The following XPNPEP2 variants were observed in gnomAD, a reference collection of about 807,000 sequenced individuals.
XPNPEP2 encodes the protein xaa-Pro aminopeptidase 2.
A neutral mutation model predicts 59.8 loss-of-function variants in XPNPEP2; 64 were observed. The observed-to-expected ratio is 1.07, with a 90% confidence interval of 0.87 to 1.32. The LOEUF is 1.32. Among genes scored for constraint, XPNPEP2 ranks in the 40% most tolerant of loss-of-function variants. The pLI is 0.00. For missense variants in XPNPEP2, 575 were observed against 546.8 expected (o/e 1.05, Z -0.51); for synonymous variants, 235 against 210.0 (o/e 1.12, Z -1.03).
intron 2 of XPNPEP2, among the ~76,000 whole-genome samples, chrX:129,742,434 T>TATC (rs1286978785): frequency 3.8e-5 from 4 of 106,064 alleles, no homozygotes; most frequent in African/African-American, 1.0e-4. Flanking sequence ...CCCAGCAGGT[T>TATC]ATCTGCTTCC....
intron 1 of XPNPEP2, among the ~76,000 whole-genome samples, chrX:129,741,531 G>A (rs1481026494): frequency 8.9e-6 from 1 of 111,930 alleles, no homozygotes; most frequent in Non-Finnish European, 1.9e-5. Context: ...CACATAATAG[G>A]GTGTCTTTAA....
In XPNPEP2 at chrX:129,751,726, T is replaced by C; in HGVS notation, c.740-19T>C. 8.4e-7 allele frequency: 1 copy of C among 1,196,674 alleles called. No homozygotes were observed. The highest frequency in any genetic ancestry group is 1.1e-6 in the Non-Finnish European group (1 of 882,352). On this transcript the variant is annotated intron_variant, in intron 8 of 20. Coordinates refer to ENST00000371106, the MANE Select transcript of XPNPEP2 (RefSeq NM_003399.6). ...CAGGCAGATCAGCATTAAATATTCC[T>C]TGTCAATTCTCTTCCCAGGGCTCTT...
Position 129,760,510 on chromosome X carries a change from A to G in XPNPEP2, c.1429-2A>G. ...CATATCACCTCTTCCTCTCCCCATC[A>G]GGAGGCATACACCCGTGTGCTGATA... On this transcript the variant is annotated splice_acceptor_variant, in intron 15 of 20. Coordinates refer to ENST00000371106, the MANE Select transcript of XPNPEP2 (RefSeq NM_003399.6). LOFTEE classifies it high-confidence loss of function. 1.7e-6 allele frequency: 2 copies of G among 1,210,594 alleles called. No homozygotes were observed. The highest frequency in any genetic ancestry group is 2.2e-6 in the Non-Finnish European group (2 of 894,661).
Position 129,747,711 on chromosome X carries a change from G to C in XPNPEP2, c.595G>C (p.Val199Leu). Reference protein sequence around the residue: ...DLVWGSERPPVPNQPIYALQE... With the variant: ...DLVWGSERPPLPNQPIYALQE... ...GGTATGGGGATCAGAGAGGCCACCG[G>C]TTCCAAATCAACCCATTTATGCCCT... Residue 199 changes from valine to leucine, a missense_variant, in exon 7 of 21, where the codon GTT becomes CTT. Coordinates refer to ENST00000371106, the MANE Select transcript of XPNPEP2 (RefSeq NM_003399.6). The C allele has an allele frequency of 8.3e-7, 1 of 1,212,060 alleles. No individual in the cohort carries two copies. Among genetic ancestry groups the C allele is most frequent in the Non-Finnish European group, 1.1e-6 (1 of 895,601 alleles).
chrX:129,741,636 T>C (rs1926183725), intron 1 of XPNPEP2, among the ~76,000 whole-genome samples: 1 of 112,304 alleles, frequency 8.9e-6, no homozygotes, highest in Admixed American at 9.4e-5. Context: ...AGATTTGGAC[T>C]GTAAGAAACA....
chrX:129,761,721 G>T (rs1289585751), intron 17 of XPNPEP2, among the ~76,000 whole-genome samples: 2 of 111,981 alleles, frequency 1.8e-5, no homozygotes, highest in Admixed American at 9.4e-5. Context: ...CTACTCGGGA[G>T]GCTGAGGTGG....
chrX:129,742,255 T>C (rs1266882843), intron 2 of XPNPEP2, 74 bp downstream of exon 2: 5 of 439,711 alleles, frequency 1.1e-5, no homozygotes, highest in Non-Finnish European at 1.4e-5. Flanking sequence ...CACGCACCCC[T>C]GCACCGCAGC....
chrX:129,767,546 C>T, intron 19 of XPNPEP2, 57 bp from the exon 20 acceptor site: 1 of 1,130,580 alleles, frequency 8.8e-7, no homozygotes, highest in South Asian at 1.8e-5. Flanking sequence ...CCCTTCAGCC[C>T]AGTTCCTCCT....
At position 129,756,055 on chromosome X, in the gene XPNPEP2, G is replaced by C. The variant is rs778522702; in HGVS notation, c.1296-429G>C. On this transcript the variant is annotated intron_variant, in intron 13 of 20. Coordinates refer to ENST00000371106, the MANE Select transcript of XPNPEP2 (RefSeq NM_003399.6). ...CTTCTTCTCAGGGCCCTCTGCTCTC[G>C]GAGGCAGCAGGAAGTTAGAGACAAA... Among the ~76,000 whole-genome samples the C allele has an allele frequency of 1.2e-4, 13 of 112,402 alleles. No individual in the cohort carries two copies. The South Asian group carries it at 4.1e-3, about 35-fold the overall frequency.
At chrX:129,759,709 T>A (rs753095452) in intron 15 of XPNPEP2, among the ~76,000 whole-genome samples, 5 of 112,864 alleles carry the variant, frequency 4.4e-5, no homozygotes, top group Admixed American at 1.9e-4. Context: ...TCATGCTGCA[T>A]GCAGCAGGCC....
chrX:129,745,276 A>G lies in XPNPEP2; in HGVS notation c.298+10A>G. 8.3e-7 allele frequency: 1 copy of G among 1,211,425 alleles called. No individual in the cohort carries two copies. The highest frequency in any genetic ancestry group is 1.7e-5 in the African/African-American group (1 of 57,736). ...TTTACAGGGTCTGCAGGTGACAATC[A>G]TTACCCAGCCCCATTGCTTTTGTTG... On this transcript the variant is annotated intron_variant, in intron 4 of 20. Coordinates refer to ENST00000371106, the MANE Select transcript of XPNPEP2 (RefSeq NM_003399.6).
At chrX:129,756,426 C>T in intron 13 of XPNPEP2, 58 bp from the exon 14 acceptor site, 2 of 1,156,978 alleles carry the variant, frequency 1.7e-6, no homozygotes, top group Non-Finnish European at 2.4e-6. Context: ...ACCAAGGCCT[C>T]CCACGTGACC....
At chrX:129,760,393 C>A (rs924810140) in intron 15 of XPNPEP2, 119 bp from the exon 16 acceptor site, 31 of 734,784 alleles carry the variant, frequency 4.2e-5, no homozygotes, top group African/African-American at 6.5e-5. Flanking sequence ...AGACTCCCCC[C>A]ACCCTGCCTA....
chrX:129,766,939 C>A (rs186085551), intron 19 of XPNPEP2, among the ~76,000 whole-genome samples: 2 of 111,260 alleles, frequency 1.8e-5, no homozygotes, highest in East Asian at 2.8e-4. Flanking sequence ...ATCAGCCAGG[C>A]GTGGTGGGTC....
At chrX:129,754,616 T>A (rs968342584) in intron 12 of XPNPEP2, 35 bp downstream of exon 12, 1 of 1,122,589 alleles carries the variant, frequency 8.9e-7, no homozygotes, top group South Asian at 2.0e-5. Flanking sequence ...TGGCTGACTG[T>A]CTTTTAGTGT....
chrX:129,743,007 G>C (rs759998728), intron 2 of XPNPEP2, among the ~76,000 whole-genome samples: 39 of 112,074 alleles, frequency 3.5e-4, no homozygotes, highest in Non-Finnish European at 6.4e-4. Context: ...GAAGGGGCTT[G>C]GGTAGTCAGC....
At position 129,741,962 on chromosome X, in the gene XPNPEP2, G is replaced by T. The variant is rs186189484; in HGVS notation, c.50-146G>T. On this transcript the variant is annotated intron_variant, in intron 1 of 20. Coordinates refer to ENST00000371106, the MANE Select transcript of XPNPEP2 (RefSeq NM_003399.6). The stretch of plus-strand genomic sequence containing the variant: ...TTCAGCCTGATTTCCTATGAAATGT[G>T]ATTATTTTTATCCTCAAGTAGAGCT... 7.8e-4 allele frequency: 377 copies of T among 480,628 alleles called. 1 individual carries two copies. The African/African-American group carries it at 8.1e-3, about 10-fold the overall frequency. 39.6% of individuals were successfully genotyped at this position (480,628 alleles called of 1,213,427 possible).
At chrX:129,742,510 C>G (rs1444048331) in intron 2 of XPNPEP2, among the ~76,000 whole-genome samples, 1 of 109,735 alleles carries the variant, frequency 9.1e-6, no homozygotes, top group East Asian at 2.9e-4. Context: ...CCTAACTGGC[C>G]TTTGGCTGAG....
At chrX:129,739,380 C>T (rs1242812485) in intron 1 of XPNPEP2, 118 bp downstream of exon 1, 10 of 773,814 alleles carry the variant, frequency 1.3e-5, no homozygotes, top group Admixed American at 2.8e-5. Context: ...CTCTCTCTGA[C>T]TTGAGGAAGA....
Sources: gnomAD v4.1 joint callset for allele counts (sites outside exome capture counted in the v4.1 genomes callset) on GRCh38, gnomAD v4.1.1 for gene constraint, MANE v1.5 for transcripts, NCBI Gene and HGNC (gene_info 2026-07-23, HGNC 2026-07-21) for gene names.